Variants in PRSS23 observed in about 807,000 individuals in gnomAD.
PRSS23 encodes protease, serine 23.
Under a neutral mutation model 34.7 loss-of-function variants are expected in PRSS23, and 25 were observed. The observed-to-expected ratio is 0.72, with a 90% CI of 0.53 to 1.01. The LOEUF is 1.01. PRSS23 is among the 50% of genes least tolerant of loss of function. The probability of loss-of-function intolerance (pLI) is 0.00; values close to 1 mark genes in which losing one functional copy is unlikely to be tolerated. For missense variants in PRSS23, 445 were observed against 475.6 expected (o/e 0.94, Z 0.60); for synonymous variants, 176 against 186.6 (o/e 0.94, Z 0.46).
At chr11:86,882,340 T>A (rs552217896) in intron 2 of PRSS23, among the ~76,000 whole-genome samples, 55 of 152,330 alleles carry the variant, frequency 3.6e-4, no homozygotes, top group African/African-American at 1.3e-3. Flanking sequence ...TTATTTTTCC[T>A]GATCCTCTCC....
intron 2 of PRSS23, among the ~76,000 whole-genome samples, chr11:86,920,711 C>T (rs1332968683): frequency 6.6e-6 from 1 of 152,128 alleles, no homozygotes; most frequent in East Asian, 1.9e-4. Flanking sequence ...TCAATTCCCT[C>T]CCCTTCCAGA....
chr11:86,873,168 A>G (rs4944638), intron 2 of PRSS23, among the ~76,000 whole-genome samples: 84,080 of 148,496 alleles, frequency 0.57, 24,829 homozygotes, highest in African/African-American at 0.73. Flanking sequence ...TGATTTGCAC[A>G]CACAGGAAAT....
At chr11:86,796,997 TTTTG>T (rs145203448), upstream of PRSS23, among the ~76,000 whole-genome samples, 12,847 of 152,296 alleles carry the variant, frequency 0.084, 776 homozygotes, top group Non-Finnish European at 0.12. Context: ...CTATATTTGA[TTTTG>T]TTTATGTCCA....
intron 2 of PRSS23, among the ~76,000 whole-genome samples, chr11:86,876,117 C>CT (rs1173144508): frequency 2.6e-5 from 4 of 152,118 alleles, no homozygotes; most frequent in Non-Finnish European, 4.4e-5. Flanking sequence ...GCCTGAAAGA[C>CT]TGAGTGTGAG....
At chr11:86,858,497 A>C (rs1948589006) in intron 2 of PRSS23, among the ~76,000 whole-genome samples, 1 of 151,948 alleles carries the variant, frequency 6.6e-6, no homozygotes, top group African/African-American at 2.4e-5. Flanking sequence ...GGGGGTGTAC[A>C]CCGCCCCTAT....
chr11:86,798,182 G>A (rs1327651731), upstream of PRSS23, among the ~76,000 whole-genome samples: 1 of 152,172 alleles, frequency 6.6e-6, no homozygotes, highest in Non-Finnish European at 1.5e-5. Flanking sequence ...TCAATTGGGA[G>A]CTACAGACAC....
At chr11:86,916,243 C>G (rs1031089408) in intron 2 of PRSS23, among the ~76,000 whole-genome samples, 2 of 152,090 alleles carry the variant, frequency 1.3e-5, no homozygotes, top group East Asian at 3.9e-4. Flanking sequence ...AAAAAAAACC[C>G]ATAAACACGA....
At chr11:86,806,694 A>G (rs1948105370) in intron 1 of PRSS23, among the ~76,000 whole-genome samples, 1 of 152,200 alleles carries the variant, frequency 6.6e-6, no homozygotes, top group Non-Finnish European at 1.5e-5. Context: ...CATGTACATC[A>G]TTGTCATTAG....
intron 2 of PRSS23, among the ~76,000 whole-genome samples, chr11:86,896,111 TC>T (rs1434364517): frequency 6.6e-6 from 1 of 152,142 alleles, no homozygotes; most frequent in Non-Finnish European, 1.5e-5. Context: ...GAAGTAAGTC[TC>T]AGAGACCCCA....
At chr11:86,823,837 T>A (rs1262608903) in intron 2 of PRSS23, among the ~76,000 whole-genome samples, 1 of 151,454 alleles carries the variant, frequency 6.6e-6, no homozygotes, top group African/African-American at 2.4e-5. Flanking sequence ...AAACCCCGTC[T>A]CTACTAAAAA....
At position 86,917,893 on chromosome 11, in the gene PRSS23, C is replaced by T. The variant is rs567418705; in HGVS notation, c.207-33323C>T. Reference sequence around the variant, plus strand: ...ACCAAGCACAGGAAATTAATAGATGCGAAGACCTAATTCCCTGGCCACAAA... The same window carrying T: ...ACCAAGCACAGGAAATTAATAGATGTGAAGACCTAATTCCCTGGCCACAAA... On this transcript the variant is annotated intron_variant, in intron 2 of 2. Transcript: ENST00000533902. Among the ~76,000 whole-genome samples the T allele has an allele frequency of 2.6e-5, 4 of 152,268 alleles. No individual in the cohort carries two copies. In the East Asian group the frequency reaches 5.8e-4, roughly 22 times the overall value.
At chr11:86,799,973 C>G (rs914324450), upstream of PRSS23, among the ~76,000 whole-genome samples, 2 of 152,192 alleles carry the variant, frequency 1.3e-5, no homozygotes, top group Admixed American at 1.3e-4. Context: ...ACTAGGAGTT[C>G]GGTCAGCACC....
intron 1 of PRSS23, among the ~76,000 whole-genome samples, chr11:86,804,221 A>G (rs1010783007): frequency 1.3e-5 from 2 of 152,148 alleles, no homozygotes; most frequent in Non-Finnish European, 2.9e-5. Flanking sequence ...GTTTAAACCC[A>G]TTTAAGGGCT....
intron 2 of PRSS23, among the ~76,000 whole-genome samples, chr11:86,923,893 C>G (rs762649870): frequency 1.3e-5 from 2 of 152,190 alleles, no homozygotes; most frequent in African/African-American, 2.4e-5. Context: ...AAACACGATT[C>G]AAGAGTCAAT....
At chr11:86,920,809 G>A (rs1001424844) in intron 2 of PRSS23, among the ~76,000 whole-genome samples, 4 of 152,054 alleles carry the variant, frequency 2.6e-5, no homozygotes, top group African/African-American at 9.7e-5. Context: ...AACCCACCCT[G>A]TCTTAGCTAC....
chr11:86,854,484 G>A (rs1948554490), intron 2 of PRSS23, among the ~76,000 whole-genome samples: 1 of 152,122 alleles, frequency 6.6e-6, no homozygotes, highest in African/African-American at 2.4e-5. Flanking sequence ...AGTTCACAGT[G>A]TTTTTTGATG....
At chr11:86,897,307 T>G (rs929727284) in intron 2 of PRSS23, among the ~76,000 whole-genome samples, 1 of 152,222 alleles carries the variant, frequency 6.6e-6, no homozygotes, top group Non-Finnish European at 1.5e-5. Context: ...CTCACTATAT[T>G]GCCCAGGCTG....
chr11:86,907,468 A>G (rs911604824), intron 2 of PRSS23, among the ~76,000 whole-genome samples: 2 of 131,860 alleles, frequency 1.5e-5, no homozygotes, highest in African/African-American at 5.1e-5. Context: ...CCTCTTAACA[A>G]TTTTTTGTGT....
intron 2 of PRSS23, among the ~76,000 whole-genome samples, chr11:86,847,629 C>A (rs372424517): frequency 6.6e-6 from 1 of 152,166 alleles, no homozygotes; most frequent in Non-Finnish European, 1.5e-5. Context: ...AAACCGGACA[C>A]TCCCTTAAGA....
Sources: allele counts gnomAD v4.1 joint callset (sites outside exome capture counted in the v4.1 genomes callset), GRCh38; gene constraint gnomAD v4.1.1; transcripts MANE v1.5; gene names NCBI Gene and HGNC (gene_info 2026-07-23, HGNC 2026-07-21).